CACNB4: variants seen among roughly 807,000 people sequenced by gnomAD.
CACNB4 encodes the protein voltage-dependent L-type calcium channel subunit beta-4.
In CACNB4, 32 loss-of-function variants were observed where a neutral mutation model predicts 71.2. That is an observed-to-expected ratio of 0.45 (90% CI 0.34 to 0.60). The LOEUF (loss-of-function observed/expected upper bound fraction) is 0.60, where lower values mean the gene tolerates loss of function less well. Ranked by LOEUF, CACNB4 falls within the 20% of genes least tolerant of loss-of-function variation. The pLI is 0.01. For synonymous variants in CACNB4, 231 were observed against 236.9 expected (o/e 0.97, Z 0.23); for missense variants, 464 against 647.9 (o/e 0.72, Z 3.08).
chr2:151,851,994 A>C (rs2099839175), intron 12 of CACNB4: 2 of 152,234 alleles, frequency 1.3e-5, no homozygotes, highest in Admixed American at 6.5e-5. Flanking sequence ...GCGTGAAGTG[A>C]AACTTAACAG....
At chr2:151,855,558 T>C (rs1578476785) in intron 10 of CACNB4, among the ~76,000 whole-genome samples, 183 bp from the exon 11 acceptor site, 1 of 152,242 alleles carries the variant, frequency 6.6e-6, no homozygotes, top group East Asian at 1.9e-4. Context: ...GAGTTTTGCA[T>C]ACAACCAGTT....
chr2:151,981,334 C>A (rs1293383896), intron 2 of CACNB4, among the ~76,000 whole-genome samples: 1 of 16,154 alleles, frequency 6.2e-5, no homozygotes, highest in African/African-American at 1.8e-4. Flanking sequence ...GATGTCGTTG[C>A]CTCCATCATA....
Position 152,077,287 on chromosome 2 carries a change from G to C in CACNB4, c.147+21043C>G, listed in dbSNP as rs571634513. Among the ~76,000 whole-genome samples the C allele has an allele frequency of 5.9e-5, 9 of 152,344 alleles. No homozygotes were observed. The South Asian group carries it at 1.9e-3, about 32-fold the overall frequency. ...ATATAAAAATTGGCCAGGCACGGTG[G>C]CTCATGCCCGTAATCACAACACTTT... On this transcript the variant is annotated intron_variant, in intron 2 of 13. Coordinates refer to ENST00000539935, the MANE Select transcript of CACNB4 (RefSeq NM_000726.5).
At chr2:152,029,440 G>A (rs1023892221) in intron 2 of CACNB4, among the ~76,000 whole-genome samples, 10 of 146,952 alleles carry the variant, frequency 6.8e-5, no homozygotes, top group African/African-American at 2.5e-4. Flanking sequence ...GTTGCAGTGA[G>A]CCAAGACCAC....
intron 2 of CACNB4, among the ~76,000 whole-genome samples, chr2:152,023,094 T>G (rs1683764372): frequency 6.9e-6 from 1 of 144,262 alleles, no homozygotes; most frequent in Non-Finnish European, 1.5e-5. Context: ...TGGTGACAGG[T>G]GCAGGGGGTC....
rs143196233 is a variant in CACNB4 at position 152,047,224 on chromosome 2, T to C, written c.147+51106A>G. On this transcript the variant is annotated intron_variant, in intron 2 of 13. Coordinates refer to ENST00000539935, the MANE Select transcript of CACNB4 (RefSeq NM_000726.5). Reference sequence around the variant, plus strand: ...TCTTGACATATGTCCCTGAGTCGTTTTTCAGAAACCCAAACCCTTACCAGA... The same window carrying C: ...TCTTGACATATGTCCCTGAGTCGTTCTTCAGAAACCCAAACCCTTACCAGA... Among the ~76,000 whole-genome samples the C allele has an allele frequency of 3.2e-3, 494 of 152,360 alleles. 5 individuals carry two copies. The highest frequency in any genetic ancestry group is 0.011 in the African/African-American group (473 of 41,588).
intron 2 of CACNB4, among the ~76,000 whole-genome samples, chr2:151,937,181 G>A (rs916343803): frequency 3.3e-5 from 5 of 152,142 alleles, no homozygotes; most frequent in Admixed American, 1.3e-4. Flanking sequence ...ATTCCTATCC[G>A]AGCAGGCCTT....
At chr2:151,920,537 A>G (rs910678615) in intron 2 of CACNB4, among the ~76,000 whole-genome samples, 3 of 151,818 alleles carry the variant, frequency 2.0e-5, no homozygotes, top group Non-Finnish European at 2.9e-5. Context: ...GGCTCTTGCT[A>G]TGTTTCCCTG....
At chr2:152,055,589 C>G (rs1194916734) in intron 2 of CACNB4, among the ~76,000 whole-genome samples, 1 of 152,140 alleles carries the variant, frequency 6.6e-6, no homozygotes, top group Non-Finnish European at 1.5e-5. Flanking sequence ...GATTTGCACA[C>G]CCCACTGAGT....
chr2:151,928,444 T>C (rs984684003), intron 2 of CACNB4, among the ~76,000 whole-genome samples: 1 of 152,138 alleles, frequency 6.6e-6, no homozygotes, highest in African/African-American at 2.4e-5. Flanking sequence ...GGACATCCCT[T>C]TGTGTTTGGT....
intron 2 of CACNB4, among the ~76,000 whole-genome samples, chr2:151,932,472 G>A (rs2099861861): frequency 6.6e-6 from 1 of 152,094 alleles, no homozygotes; most frequent in African/African-American, 2.4e-5. Context: ...TATCTGATAT[G>A]AGTTGAATTA....
intron 5 of CACNB4, 109 bp from the exon 6 acceptor site, chr2:151,872,602 C>G: frequency 1.6e-6 from 1 of 637,294 alleles, no homozygotes; most frequent in Non-Finnish European, 2.8e-6. Flanking sequence ...ATTCAAAACA[C>G]ACCAAATTCT....
At chr2:151,967,124 TG>T (rs1354489093) in intron 2 of CACNB4, 1 of 147,700 alleles carries the variant, frequency 6.8e-6, no homozygotes, top group African/African-American at 2.5e-5. Context: ...CAGGCCTCAC[TG>T]AAGCCTCAAC....
chr2:151,864,111 C>G (rs1279149982), intron 9 of CACNB4, among the ~76,000 whole-genome samples: 1 of 152,148 alleles, frequency 6.6e-6, no homozygotes, highest in Non-Finnish European at 1.5e-5. Flanking sequence ...TATGCTGAGA[C>G]CCCCTAGTCT....
intron 5 of CACNB4, among the ~76,000 whole-genome samples, chr2:151,875,617 A>G (rs1278268611): frequency 1.4e-5 from 2 of 141,570 alleles, no homozygotes; most frequent in Admixed American, 6.8e-5. Context: ...CTCGCCAGGC[A>G]GGGGGCTGAC....
intron 2 of CACNB4, among the ~76,000 whole-genome samples, chr2:151,997,510 GGAGACA>G (rs1240880754): frequency 2.0e-5 from 3 of 149,560 alleles, no homozygotes; most frequent in Non-Finnish European, 4.5e-5. Context: ...CTCCAGCCTG[GGAGACA>G]GAGTGAGACT....
At chr2:152,021,971 A>G (rs1450066979) in intron 2 of CACNB4, among the ~76,000 whole-genome samples, 2 of 152,204 alleles carry the variant, frequency 1.3e-5, no homozygotes, top group Non-Finnish European at 2.9e-5. Context: ...AAGAAGTATA[A>G]GCGTCTAATC....
At chr2:152,039,339 C>T (rs1444367364) in intron 2 of CACNB4, among the ~76,000 whole-genome samples, 2 of 151,868 alleles carry the variant, frequency 1.3e-5, no homozygotes, top group African/African-American at 2.4e-5. Flanking sequence ...CTGCTTGAAC[C>T]CGGGAGGCGG....
chr2:151,956,546 C>T (rs944839946), intron 2 of CACNB4, among the ~76,000 whole-genome samples: 2 of 152,148 alleles, frequency 1.3e-5, no homozygotes, highest in African/African-American at 4.8e-5. Flanking sequence ...GGAGTGGCTG[C>T]TAATAGGTAT....
Sources: gnomAD v4.1 joint callset for allele counts (sites outside exome capture counted in the v4.1 genomes callset) on GRCh38, gnomAD v4.1.1 for gene constraint, MANE v1.5 for transcripts, NCBI Gene and HGNC (gene_info 2026-07-23, HGNC 2026-07-21) for gene names.